TCF7L2: variants seen among roughly 807,000 people sequenced by gnomAD.
The protein encoded by TCF7L2 is transcription factor 7 like 2.
In TCF7L2, 23 loss-of-function variants were observed where a neutral mutation model predicts 77.9. The observed-to-expected ratio is 0.30, with a 90% CI of 0.21 to 0.42. The LOEUF is 0.42. Ranked by LOEUF, TCF7L2 falls within the 10% of genes least tolerant of loss-of-function variation. The pLI, the probability that TCF7L2 is intolerant of heterozygous loss-of-function variation, is 1.00. For missense variants in TCF7L2, 654 were observed against 793.1 expected, an observed-to-expected ratio of 0.82 and a Z score of 2.11; for synonymous variants, 413 against 340.2, an observed-to-expected ratio of 1.21 and a Z score of -2.36.
At chr10:113,122,297 T>G (rs907304409) in intron 5 of TCF7L2, among the ~76,000 whole-genome samples, 2 of 152,254 alleles carry the variant, frequency 1.3e-5, no homozygotes, top group African/African-American at 2.4e-5. Context: ...AGACAGAATT[T>G]GAATTGGAAA....
At chr10:112,984,519 A>G (rs1458130826) in intron 4 of TCF7L2, among the ~76,000 whole-genome samples, 1 of 152,074 alleles carries the variant, frequency 6.6e-6, no homozygotes, top group Non-Finnish European at 1.5e-5. Context: ...AAATGTCTTA[A>G]TTTACTTAAT....
At position 113,161,333 on chromosome 10, in the gene TCF7L2, G is replaced by A. The variant is rs2073134595; in HGVS notation, c.1391+642G>A. ...CTCAGACTGCAGCGTCCCTAGGCCT[G>A]CAGAATTAACAAAATATATGTGTGT... On this transcript the variant is annotated intron_variant, in intron 13 of 13. Coordinates refer to ENST00000627217, the MANE Select transcript of TCF7L2 (RefSeq NM_001146274.2). The A allele has an allele frequency of 2.4e-5, 13 of 543,224 alleles. No individual in the cohort carries two copies. In the South Asian group the frequency reaches 2.9e-4, roughly 12 times the overall value. The allele number at this position is 543,224 out of a possible 1,614,324, so 33.7% of individuals were successfully genotyped here.
chr10:113,004,953 G>A (rs2045265436), intron 4 of TCF7L2, among the ~76,000 whole-genome samples: 1 of 152,198 alleles, frequency 6.6e-6, no homozygotes, highest in Non-Finnish European at 1.5e-5. Flanking sequence ...GATTACAGGT[G>A]TGAGCCACTG....
chr10:113,141,046 G>T, intron 5 of TCF7L2, 138 bp from the exon 6 acceptor site: 1 of 1,002,822 alleles, frequency 1.0e-6, no homozygotes, highest in East Asian at 2.5e-5. Flanking sequence ...GGGGGAGTAT[G>T]GGATGGGCAG....
At chr10:112,978,168 G>A (rs1000449543) in intron 4 of TCF7L2, among the ~76,000 whole-genome samples, 1 of 152,186 alleles carries the variant, frequency 6.6e-6, no homozygotes, top group Admixed American at 6.5e-5. Context: ...AAACAGTTAA[G>A]AGGGATTATT....
intron 13 of TCF7L2, chr10:113,161,246 A>G (rs2073117901): frequency 2.2e-5 from 8 of 359,612 alleles, no homozygotes; most frequent in Non-Finnish European, 4.0e-5. Context: ...AGTGCTGAAA[A>G]AGAAGCGTGG....
At chr10:113,103,463 G>A (rs546453511) in intron 5 of TCF7L2, among the ~76,000 whole-genome samples, 11 of 152,158 alleles carry the variant, frequency 7.2e-5, no homozygotes, top group Non-Finnish European at 1.0e-4. Context: ...CTTGGATCCC[G>A]CGAAGTAAGA....
intron 4 of TCF7L2, among the ~76,000 whole-genome samples, chr10:112,980,901 C>G (rs1298785633): frequency 6.6e-6 from 1 of 152,232 alleles, no homozygotes; most frequent in Non-Finnish European, 1.5e-5. Context: ...GCTGGGATTA[C>G]AGGCGTGAGC....
chr10:113,082,384 A>G lies in TCF7L2; in HGVS notation c.552+42258A>G, dbSNP rs114879097. Among the ~76,000 whole-genome samples, 377 of 152,170 alleles carry G rather than the reference A, an allele frequency of 2.5e-3. 4 individuals are homozygous for G. Among genetic ancestry groups the G allele is most frequent in the African/African-American group, 8.2e-3 (341 of 41,444 alleles). ...TTTTCCCTGTACTGTTTATGATACA[A>G]CAATTAAAAAAATCTTATTTCCAAT... On this transcript the variant is annotated intron_variant, in intron 5 of 13. Transcript: ENST00000627217.
chr10:113,099,704 G>A (rs7085532), intron 5 of TCF7L2, among the ~76,000 whole-genome samples: 108,541 of 152,136 alleles, frequency 0.71, 39,169 homozygotes, highest in African/African-American at 0.8. Context: ...TGCTTCTGCC[G>A]TGCGTTTTGC....
chr10:113,084,912 A>C (rs868168222), intron 5 of TCF7L2, among the ~76,000 whole-genome samples: 2,670 of 148,820 alleles, frequency 0.018, 81 homozygotes, highest in African/African-American at 0.065. Flanking sequence ...CCCCCCCCCA[A>C]AAAAAAAAAA....
intron 5 of TCF7L2, chr10:113,129,422 G>A: frequency 9.9e-7 from 1 of 1,006,646 alleles, no homozygotes; most frequent in Non-Finnish European, 1.2e-6. Flanking sequence ...GCTGGCTGGG[G>A]AACATGGACC....
At chr10:113,017,390 C>T (rs535257616) in intron 4 of TCF7L2, among the ~76,000 whole-genome samples, 2 of 152,314 alleles carry the variant, frequency 1.3e-5, no homozygotes, top group South Asian at 2.1e-4. Flanking sequence ...AGTGGTGGAG[C>T]GGGAGCTCAG....
chr10:113,028,169 G>A (rs896162075), intron 4 of TCF7L2, among the ~76,000 whole-genome samples: 1 of 152,210 alleles, frequency 6.6e-6, no homozygotes, highest in Non-Finnish European at 1.5e-5. Flanking sequence ...AACAACTGGG[G>A]CAGAGTCCTG....
chr10:113,009,094 C>G (rs2046035693), intron 4 of TCF7L2, among the ~76,000 whole-genome samples: 1 of 152,098 alleles, frequency 6.6e-6, no homozygotes, highest in Non-Finnish European at 1.5e-5. Context: ...TACCACCAGG[C>G]CCGACTAATT....
intron 5 of TCF7L2, among the ~76,000 whole-genome samples, chr10:113,089,928 C>T (rs1031585053): frequency 1.3e-5 from 2 of 152,170 alleles, no homozygotes; most frequent in Non-Finnish European, 2.9e-5. Flanking sequence ...GAAGTTACCA[C>T]CTCAACTTTG....
intron 5 of TCF7L2, among the ~76,000 whole-genome samples, chr10:113,114,377 T>G (rs2063479195): frequency 6.6e-6 from 1 of 152,154 alleles, no homozygotes. Context: ...CCAACTGATA[T>G]TTTTTTGCAT....
intron 12 of TCF7L2, 144 bp from the exon 14 acceptor site, chr10:113,159,776 C>A: frequency 3.3e-6 from 2 of 600,210 alleles, no homozygotes; most frequent in South Asian, 2.1e-5. Context: ...GTAACCAGGT[C>A]ATTGATTTAT....
intron 4 of TCF7L2, among the ~76,000 whole-genome samples, chr10:112,985,953 T>G (rs2041445748): frequency 6.6e-6 from 1 of 151,830 alleles, no homozygotes; most frequent in Non-Finnish European, 1.5e-5. Flanking sequence ...AGCTTTGGAG[T>G]TTCTATATTC....
Sources: gnomAD v4.1 joint callset for allele counts (sites outside exome capture counted in the v4.1 genomes callset) on GRCh38, gnomAD v4.1.1 for gene constraint, MANE v1.5 for transcripts, NCBI Gene and HGNC (gene_info 2026-07-23, HGNC 2026-07-21) for gene names.